RUNX2: variants seen among roughly 807,000 people sequenced by gnomAD.
The protein encoded by RUNX2 is RUNX family transcription factor 2.
Under a neutral mutation model 51.7 loss-of-function variants are expected in RUNX2, and 10 were observed. The ratio of observed to expected loss-of-function variants is 0.19; its 90% confidence interval spans 0.12 to 0.33. The LOEUF (loss-of-function observed/expected upper bound fraction) is 0.33, where lower values mean the gene tolerates loss of function less well. Among genes scored for constraint, RUNX2 ranks in the 10% least tolerant of loss-of-function variants. The probability of loss-of-function intolerance (pLI) is 1.00; values close to 1 mark genes in which losing one functional copy is unlikely to be tolerated. For synonymous variants in RUNX2, 276 were observed against 273.6 expected, an observed-to-expected ratio of 1.01 and a Z score of -0.09; for missense variants, 562 against 691.3, an observed-to-expected ratio of 0.81 and a Z score of 2.10.
intron 5 of RUNX2, among the ~76,000 whole-genome samples, chr6:45,468,068 G>C (rs191452505): frequency 7.9e-5 from 12 of 152,168 alleles, no homozygotes; most frequent in Admixed American, 5.9e-4. Context: ...CCAAGTACAG[G>C]CTTCTCAGGC....
chr6:45,339,403 C>T (rs1267443305), intron 2 of RUNX2, among the ~76,000 whole-genome samples: 1 of 152,094 alleles, frequency 6.6e-6, no homozygotes, highest in East Asian at 1.9e-4. Context: ...TAGAAATAAG[C>T]TAAAGACAAA....
At chr6:45,472,247 A>C (rs1799824337) in intron 5 of RUNX2, among the ~76,000 whole-genome samples, 1 of 152,206 alleles carries the variant, frequency 6.6e-6, no homozygotes, top group East Asian at 1.9e-4. Context: ...ACTGGAAAGG[A>C]AAGTGAGCAG....
At chr6:45,354,508 C>T (rs536174127) in intron 2 of RUNX2, among the ~76,000 whole-genome samples, 6 of 151,982 alleles carry the variant, frequency 3.9e-5, no homozygotes, top group African/African-American at 1.4e-4. Flanking sequence ...GATCTCATTA[C>T]TTCTACTGCC....
At position 45,399,349 on chromosome 6, in the gene RUNX2, C is replaced by CT. The variant is rs398048486; in HGVS notation, c.59-23216dup. Among the ~76,000 whole-genome samples the CT allele has an allele frequency of 9.7e-3, 556 of 57,372 alleles. 74 individuals carry two copies. Among genetic ancestry groups the CT allele is most frequent in the African/African-American group, 0.023 (389 of 16,824 alleles). 37.6% of individuals were successfully genotyped at this position (57,372 alleles called of 152,430 possible). On this transcript the variant is annotated intron_variant, in intron 2 of 8. Coordinates refer to ENST00000647337, the MANE Select transcript of RUNX2 (RefSeq NM_001024630.4). ...CTTTCTCATTTCTTTCTTTTCTTTC[C>CT]TTTTTTTTTTTTTTTTTTTTTTTTT...
chr6:45,398,668 C>T (rs1183891535), intron 2 of RUNX2, among the ~76,000 whole-genome samples: 3 of 152,118 alleles, frequency 2.0e-5, no homozygotes, highest in Non-Finnish European at 4.4e-5. Flanking sequence ...TCAGTCAGTC[C>T]TTCAAAAGAG....
At chr6:45,432,478 C>T (rs1372077317) in intron 4 of RUNX2, among the ~76,000 whole-genome samples, 1 of 152,092 alleles carries the variant, frequency 6.6e-6, no homozygotes, top group Non-Finnish European at 1.5e-5. Flanking sequence ...ATTTAATTTA[C>T]TCTCATAGTA....
At chr6:45,397,309 A>G (rs1797604573) in intron 2 of RUNX2, among the ~76,000 whole-genome samples, 1 of 151,550 alleles carries the variant, frequency 6.6e-6, no homozygotes, top group South Asian at 2.1e-4. Context: ...TGGGGTTTCA[A>G]CGTCTTAGCC....
In RUNX2 at chr6:45,547,207, C is replaced by T. The variant is rs1802429327; in HGVS notation, c.1468C>T (p.Gln490Ter). ...GCTATTAAATCCAAATTTGCCTAAC[C>T]AGAATGATGGTGTTGACGCTGATGG... is the stretch of plus-strand genomic sequence containing the variant. ...STLLNPNLPN[Q>*]NDGVDADGSH... Residue 490 changes from glutamine to a stop codon, truncating the protein, a stop_gained, in exon 9 of 9, where the codon CAG (glutamine) becomes TAG (stop). Transcript: ENST00000647337. LOFTEE classifies it high-confidence loss of function. 1 of 1,614,000 alleles carries T rather than the reference C, an allele frequency of 6.2e-7. No homozygotes were observed. Among genetic ancestry groups the T allele is most frequent in the African/African-American group, 1.3e-5 (1 of 74,884 alleles).
chr6:45,344,150 G>A (rs1790380611), intron 2 of RUNX2, among the ~76,000 whole-genome samples: 1 of 152,156 alleles, frequency 6.6e-6, no homozygotes, highest in East Asian at 1.9e-4. Context: ...ATATGACAAA[G>A]AGAAAGAACA....
At position 45,422,759 on chromosome 6, in the gene RUNX2, G is replaced by A. The variant is rs1563079162; in HGVS notation, c.225G>A (p.Ala75=). Residue 75 remains alanine (A), a synonymous_variant, in exon 3 of 9, where the codon GCG becomes GCA. Coordinates refer to ENST00000647337, the MANE Select transcript of RUNX2 (RefSeq NM_001024630.4). ...AGCAGCAGCAGCAGGAGGCGGCGGC[G>A]GCGGCTGCGGCGGCGGCGGCGGCTG... The part of the protein sequence containing the change: ...QQQQQQQEAA[A]AAAAAAAAAA... 9 of 1,325,746 alleles carry A rather than the reference G, an allele frequency of 6.8e-6. 1 individual carries two copies. Among genetic ancestry groups the A allele is most frequent in the Middle Eastern group, 2.1e-4 (1 of 4,844 alleles). The allele number at this position is 1,325,746 out of a possible 1,614,324, so 82.1% of individuals were successfully genotyped here.
chr6:45,381,740 A>G (rs966688458), intron 2 of RUNX2, among the ~76,000 whole-genome samples: 2 of 152,182 alleles, frequency 1.3e-5, no homozygotes, highest in Non-Finnish European at 2.9e-5. Context: ...GATGTTACAC[A>G]TTTCAAAAGA....
chr6:45,357,893 GTA>G (rs200586327), intron 2 of RUNX2, among the ~76,000 whole-genome samples: 1 of 151,014 alleles, frequency 6.6e-6, no homozygotes. Context: ...AAGACTAAGA[GTA>G]TATATATATA....
At chr6:45,531,626 A>G (rs1345010612) in intron 7 of RUNX2, among the ~76,000 whole-genome samples, 2 of 151,904 alleles carry the variant, frequency 1.3e-5, no homozygotes, top group Non-Finnish European at 2.9e-5. Flanking sequence ...GGTGGTGCGC[A>G]CCTGTAGTCC....
At chr6:45,477,436 C>A (rs537148334) in intron 5 of RUNX2, among the ~76,000 whole-genome samples, 1 of 152,188 alleles carries the variant, frequency 6.6e-6, no homozygotes. Context: ...ACTTCAAACT[C>A]ATGGCCAACA....
At chr6:45,502,341 C>T (rs1252296287) in intron 6 of RUNX2, among the ~76,000 whole-genome samples, 6 of 152,136 alleles carry the variant, frequency 3.9e-5, no homozygotes, top group Admixed American at 2.0e-4. Context: ...AAATAGGGTT[C>T]GGTAATTTTC....
intron 5 of RUNX2, among the ~76,000 whole-genome samples, chr6:45,460,043 G>C (rs1483883352): frequency 6.6e-6 from 1 of 152,226 alleles, no homozygotes. Flanking sequence ...GTTGGGGGCA[G>C]AGAATGGTGC....
intron 3 of RUNX2, among the ~76,000 whole-genome samples, chr6:45,427,843 T>C (rs1798425438): frequency 6.6e-6 from 1 of 152,070 alleles, no homozygotes; most frequent in Admixed American, 6.6e-5. Context: ...TCATAAGGAG[T>C]CTCATACAAA....
At position 45,404,568 on chromosome 6, in the gene RUNX2, A is replaced by C. The variant is rs78233289; in HGVS notation, c.59-18025A>C. ...GTGTTGTTGTTGATTAACATGTATTAATCGATTCTTTAAAATATCTATGCA... is the reference window on the plus strand; with the variant it reads ...GTGTTGTTGTTGATTAACATGTATTCATCGATTCTTTAAAATATCTATGCA... On this transcript the variant is annotated intron_variant, in intron 2 of 8. Coordinates refer to ENST00000647337, the MANE Select transcript of RUNX2 (RefSeq NM_001024630.4). 6.9e-3 allele frequency among the ~76,000 whole-genome samples: 1,054 copies of C among 152,330 alleles called. 18 individuals carry two copies. Among genetic ancestry groups the C allele is most frequent in the African/African-American group, 0.024 (1,009 of 41,560 alleles).
chr6:45,337,328 T>C (rs1788777039), intron 2 of RUNX2, among the ~76,000 whole-genome samples: 1 of 151,788 alleles, frequency 6.6e-6, no homozygotes, highest in Admixed American at 6.6e-5. Context: ...GCATTTTTCC[T>C]GTACGTACCT....
Sources: allele counts gnomAD v4.1 joint callset (sites outside exome capture counted in the v4.1 genomes callset), GRCh38; gene constraint gnomAD v4.1.1; transcripts MANE v1.5; gene names NCBI Gene and HGNC (gene_info 2026-07-23, HGNC 2026-07-21).